The following AGBL4 variants were observed in gnomAD, a reference collection of about 807,000 sequenced individuals.
AGBL4 encodes the protein cytosolic carboxypeptidase 6.
AGBL4 carries 58 observed loss-of-function variants against 66.4 expected under a neutral mutation model. The ratio of observed to expected loss-of-function variants is 0.87; its 90% CI spans 0.71 to 1.09. AGBL4 has a LOEUF of 1.09. Among genes scored for constraint, AGBL4 ranks in the 50% least tolerant of loss-of-function variants. The probability of loss-of-function intolerance (pLI) is 0.00; values close to 1 mark genes in which losing one functional copy is unlikely to be tolerated. For missense variants in AGBL4, 579 were observed against 631.0 expected (o/e 0.92, Z 0.88); for synonymous variants, 234 against 222.9 (o/e 1.05, Z -0.44).
chr1:49,545,975 C>T (rs960036857), intron 3 of AGBL4, among the ~76,000 whole-genome samples: 3 of 152,034 alleles, frequency 2.0e-5, no homozygotes, highest in African/African-American at 7.2e-5. Context: ...TGGATGCACC[C>T]ATCACCCGAG....
chr1:49,279,737 G>A (rs1428690338), intron 3 of AGBL4, among the ~76,000 whole-genome samples: 1 of 152,176 alleles, frequency 6.6e-6, no homozygotes, highest in Non-Finnish European at 1.5e-5. Context: ...TAATGGGGGA[G>A]ATCTGATCTA....
intron 9 of AGBL4, among the ~76,000 whole-genome samples, chr1:48,611,686 C>T (rs945672207): frequency 1.3e-5 from 2 of 152,146 alleles, no homozygotes; most frequent in Non-Finnish European, 2.9e-5. Context: ...GGGGCTACCT[C>T]ACTTGCCCAA....
chr1:48,742,890 C>T (rs1650136195), intron 6 of AGBL4: 2 of 963,834 alleles, frequency 2.1e-6, no homozygotes, highest in South Asian at 2.2e-5. Context: ...TATTTTTGTC[C>T]ATTGAACTAC....
chr1:49,948,102 A>G (rs1469399329), intron 1 of AGBL4, among the ~76,000 whole-genome samples: 39 of 92,460 alleles, frequency 4.2e-4, no homozygotes, highest in Non-Finnish European at 3.3e-4. Flanking sequence ...GTATATGTAT[A>G]TATATGTAAA....
intron 2 of AGBL4, among the ~76,000 whole-genome samples, chr1:49,765,311 A>T (rs1457636038): frequency 6.6e-6 from 1 of 152,132 alleles, no homozygotes; most frequent in East Asian, 1.9e-4. Context: ...ACATGGCTCA[A>T]TACAAAACCT....
chr1:49,540,349 T>C (rs1651911762), intron 3 of AGBL4, among the ~76,000 whole-genome samples: 1 of 152,234 alleles, frequency 6.6e-6, no homozygotes, highest in African/African-American at 2.4e-5. Flanking sequence ...ATACTATTTA[T>C]TCTTCAAAGT....
At chr1:48,782,522 T>C (rs1389809806) in intron 6 of AGBL4, among the ~76,000 whole-genome samples, 4 of 152,224 alleles carry the variant, frequency 2.6e-5, no homozygotes, top group East Asian at 3.8e-4. Context: ...CTGCTAATGA[T>C]TGACCACATT....
Position 48,669,735 on chromosome 1 carries a change from G to T in AGBL4, c.635-6494C>A, listed in dbSNP as rs531299781. 1.7e-3 allele frequency among the ~76,000 whole-genome samples: 253 copies of T among 152,244 alleles called. 1 individual carries two copies. Among genetic ancestry groups the T allele is most frequent in the Non-Finnish European group, 2.7e-3 (183 of 68,020 alleles). The stretch of plus-strand genomic sequence containing the variant: ...CAGTTCACTGTCTGGACCCTCATCT[G>T]GTCATAAATCATTTGCTGCCTTGGT... On this transcript the variant is annotated intron_variant, in intron 6 of 13. Coordinates refer to ENST00000371839, the MANE Select transcript of AGBL4 (RefSeq NM_032785.4).
intron 2 of AGBL4, among the ~76,000 whole-genome samples, chr1:49,834,337 C>A (rs935540089): frequency 6.6e-5 from 10 of 152,144 alleles, no homozygotes; most frequent in African/African-American, 2.4e-4. Context: ...AGGAATTTAT[C>A]CATTTCTTCT....
At chr1:49,326,356 G>C (rs1221045175) in intron 3 of AGBL4, among the ~76,000 whole-genome samples, 3 of 152,092 alleles carry the variant, frequency 2.0e-5, no homozygotes, top group Non-Finnish European at 4.4e-5. Context: ...TACTCTTGAA[G>C]ATTATTGGTC....
chr1:49,234,995 T>G (rs1273063848), intron 4 of AGBL4, among the ~76,000 whole-genome samples: 1 of 152,210 alleles, frequency 6.6e-6, no homozygotes, highest in Non-Finnish European at 1.5e-5. Context: ...AATATCATGA[T>G]CCAAAATCAT....
chr1:49,264,945 A>G (rs1363307491), intron 3 of AGBL4, among the ~76,000 whole-genome samples: 2 of 152,142 alleles, frequency 1.3e-5, no homozygotes, highest in Non-Finnish European at 2.9e-5. Context: ...TTTGGTTTCA[A>G]TCACACTCAG....
At chr1:49,674,076 C>T (rs145085567) in intron 3 of AGBL4, among the ~76,000 whole-genome samples, 10 of 152,062 alleles carry the variant, frequency 6.6e-5, no homozygotes, top group Admixed American at 5.9e-4. Flanking sequence ...AGACTATTTC[C>T]ATCAATAGTC....
chr1:48,792,309 GC>G, intron 6 of AGBL4, among the ~76,000 whole-genome samples: 1 of 152,144 alleles, frequency 6.6e-6, no homozygotes, highest in East Asian at 1.9e-4. Flanking sequence ...TGGGAGCATG[GC>G]TCTGCAAACA....
chr1:49,947,936 T>A (rs12737674), intron 1 of AGBL4, among the ~76,000 whole-genome samples: 1 of 40,116 alleles, frequency 2.5e-5, no homozygotes, highest in South Asian at 6.3e-4. Context: ...ACTCAACCCC[T>A]TTTGCAATAG....
intron 8 of AGBL4, among the ~76,000 whole-genome samples, chr1:48,637,993 G>T (rs1460789505): frequency 6.6e-6 from 1 of 152,148 alleles, no homozygotes; most frequent in South Asian, 2.1e-4. Context: ...TTGACAACAG[G>T]ATGTAATCAT....
chr1:49,128,864 A>C (rs1645821871), intron 4 of AGBL4, among the ~76,000 whole-genome samples: 1 of 152,066 alleles, frequency 6.6e-6, no homozygotes, highest in African/African-American at 2.4e-5. Context: ...TAATATGATA[A>C]AAATGGACTA....
intron 2 of AGBL4, among the ~76,000 whole-genome samples, chr1:49,808,209 T>A (rs1645017702): frequency 6.6e-6 from 1 of 152,150 alleles, no homozygotes; most frequent in Admixed American, 6.6e-5. Flanking sequence ...ACAGAAATTT[T>A]TGGAAACTCT....
chr1:49,158,627 A>AT (rs1646480403), intron 4 of AGBL4, among the ~76,000 whole-genome samples: 2 of 151,708 alleles, frequency 1.3e-5, no homozygotes, highest in Admixed American at 1.3e-4. Context: ...ATCCTTGTTA[A>AT]TTTTCTGTCT....
Sources: allele counts gnomAD v4.1 joint callset (sites outside exome capture counted in the v4.1 genomes callset), GRCh38; gene constraint gnomAD v4.1.1; transcripts MANE v1.5; gene names NCBI Gene and HGNC (gene_info 2026-07-23, HGNC 2026-07-21).